Variants in HCRTR2 observed in about 807,000 individuals in gnomAD.
The protein encoded by HCRTR2 is orexin receptor type 2.
Under a neutral mutation model 49.0 loss-of-function variants are expected in HCRTR2, and 22 were observed. The observed-to-expected ratio is 0.45, with a 90% CI of 0.32 to 0.64. The LOEUF is 0.64. Ranked by LOEUF, HCRTR2 falls within the 30% of genes least tolerant of loss-of-function variation. The pLI, the probability that HCRTR2 is intolerant of heterozygous loss-of-function variation, is 0.04. For missense variants in HCRTR2, 491 were observed against 559.4 expected (o/e 0.88, Z 1.23); for synonymous variants, 236 against 205.3 (o/e 1.15, Z -1.28).
chr6:55,205,694 A>G (rs1157337214), intron 1 of HCRTR2, among the ~76,000 whole-genome samples: 1 of 152,110 alleles, frequency 6.6e-6, no homozygotes. Context: ...GCCAATTTAT[A>G]CTCAAGAATA....
rs372879747 is a variant in HCRTR2 at position 55,193,584 on chromosome 6, T to C, written c.223+18774T>C. Among the ~76,000 whole-genome samples, 3 of 151,802 alleles carry C rather than the reference T, an allele frequency of 2.0e-5. No homozygotes were observed. In the East Asian group the frequency reaches 5.8e-4, roughly 29 times the overall value. ...TCCAAGCATCAAACCTTGGGATTTA[T>C]TTACCTTCTAGCAAACCAAAATTTA... On this transcript the variant is annotated intron_variant, in intron 1 of 6. Transcript: ENST00000370862.
At chr6:55,168,890 C>A (rs1764912167) in intron 1 of HCRTR2, among the ~76,000 whole-genome samples, 1 of 152,090 alleles carries the variant, frequency 6.6e-6, no homozygotes, top group African/African-American at 2.4e-5. Flanking sequence ...CATGTAATCT[C>A]TCAATGAGTG....
chr6:55,169,532 A>C (rs755988904), upstream of HCRTR2, among the ~76,000 whole-genome samples: 12 of 151,872 alleles, frequency 7.9e-5, no homozygotes, highest in South Asian at 6.2e-4. Flanking sequence ...CCTTTTTATA[A>C]ATGTCTAGAC....
intron 1 of HCRTR2, among the ~76,000 whole-genome samples, chr6:55,182,807 G>T (rs1765155027): frequency 6.6e-6 from 1 of 152,168 alleles, no homozygotes; most frequent in African/African-American, 2.4e-5. Context: ...ACACTTGTCA[G>T]TCATGGTCAT....
chr6:55,142,855 C>T (rs1375209338), intron 1 of HCRTR2, among the ~76,000 whole-genome samples: 1 of 2,412 alleles, frequency 4.1e-4, no homozygotes, highest in Non-Finnish European at 1.0e-3. Context: ...AAGTGGTCAA[C>T]AGAAAAAAAA....
rs1020283800 is a variant in HCRTR2 at position 55,193,090 on chromosome 6, C to T, written c.223+18280C>T. On this transcript the variant is annotated intron_variant, in intron 1 of 6. Transcript: ENST00000370862. Reference sequence around the variant, plus strand: ...TAAATAAAAATAGTGAGAGAACATTCATGTGTTCACTCATTCATTCCTTCA... The same window carrying T: ...TAAATAAAAATAGTGAGAGAACATTTATGTGTTCACTCATTCATTCCTTCA... 2.6e-5 allele frequency among the ~76,000 whole-genome samples: 4 copies of T among 152,272 alleles called. No individual in the cohort carries two copies. The East Asian group carries it at 7.7e-4, about 29-fold the overall frequency.
At chr6:55,109,688 T>C (rs1764023724) in intron 1 of HCRTR2, among the ~76,000 whole-genome samples, 1 of 151,976 alleles carries the variant, frequency 6.6e-6, no homozygotes, top group South Asian at 2.1e-4. Flanking sequence ...AGATTTTTTT[T>C]TTAATGAAAA....
chr6:55,216,636 G>A (rs1427784462), intron 1 of HCRTR2, among the ~76,000 whole-genome samples: 1 of 152,164 alleles, frequency 6.6e-6, no homozygotes, highest in Non-Finnish European at 1.5e-5. Flanking sequence ...AGCATTCTCT[G>A]CACAATGTGG....
rs188023223 is a variant in HCRTR2, at chr6:55,162,166, T to G, written c.-377-12045T>G. Among the ~76,000 whole-genome samples the G allele has an allele frequency of 3.7e-4, 56 of 152,328 alleles. 1 individual carries two copies. The East Asian group carries it at 9.6e-3, about 26-fold the overall frequency. ...GATCAAGTTGGCTTCATACCTGGCA[T>G]GCAAGGCTTGTTCAACATACGAAAA... On this transcript the variant is annotated intron_variant, in intron 1 of 7. Coordinates refer to the HCRTR2 transcript ENST00000615358.
chr6:55,144,888 T>A (rs1764558124), intron 1 of HCRTR2, among the ~76,000 whole-genome samples: 1 of 152,190 alleles, frequency 6.6e-6, no homozygotes, highest in African/African-American at 2.4e-5. Context: ...CTTTAAGAGT[T>A]ATTCTAAGAT....
At chr6:55,204,370 C>A (rs2127286811) in intron 1 of HCRTR2, among the ~76,000 whole-genome samples, 1 of 152,216 alleles carries the variant, frequency 6.6e-6, no homozygotes, top group East Asian at 1.9e-4. Context: ...TAATTTTCTC[C>A]CCATTTGACC....
chr6:55,240,805 G>A (rs1562018848), intron 1 of HCRTR2: 1 of 419,064 alleles, frequency 2.4e-6, no homozygotes, highest in South Asian at 1.7e-5. Flanking sequence ...TTCAAGGTAG[G>A]TTTTTTGAAA....
upstream of HCRTR2, among the ~76,000 whole-genome samples, chr6:55,172,219 C>A (rs1020152719): frequency 3.3e-5 from 5 of 152,272 alleles, no homozygotes; most frequent in African/African-American, 9.6e-5. Context: ...ATGCACATAT[C>A]AATTGGGTCT....
intron 1 of HCRTR2, among the ~76,000 whole-genome samples, chr6:55,204,554 G>C (rs1010301441): frequency 1.3e-5 from 2 of 152,114 alleles, no homozygotes; most frequent in African/African-American, 4.8e-5. Context: ...GAGCCTGATA[G>C]CTTGGATCAA....
At position 55,175,806 on chromosome 6, in the gene HCRTR2, G is replaced by A. The variant is rs1439550908; in HGVS notation, c.223+996G>A. 3.9e-5 allele frequency among the ~76,000 whole-genome samples: 6 copies of A among 152,068 alleles called. No homozygotes were observed. In the East Asian group the frequency reaches 9.7e-4, roughly 25 times the overall value. On this transcript the variant is annotated intron_variant, in intron 1 of 6. Transcript: ENST00000370862. ...TCCAGAAAAGGGGCTTTGGAAGGGA[G>A]GGATAACTTGAAATAAATTGTGAAT...
At chr6:55,198,738 G>A (rs1439994901) in intron 1 of HCRTR2, among the ~76,000 whole-genome samples, 3 of 152,200 alleles carry the variant, frequency 2.0e-5, no homozygotes, top group Non-Finnish European at 4.4e-5. Flanking sequence ...AAATAAAAAT[G>A]TGTGTGCAGG....
At chr6:55,132,580 C>T (rs1764372725) in intron 1 of HCRTR2, among the ~76,000 whole-genome samples, 1 of 151,716 alleles carries the variant, frequency 6.6e-6, no homozygotes, top group Non-Finnish European at 1.5e-5. Flanking sequence ...TTTTGGGAGA[C>T]ATAGATTATA....
At chr6:55,180,574 G>T (rs1765114203) in intron 1 of HCRTR2, among the ~76,000 whole-genome samples, 1 of 138,406 alleles carries the variant, frequency 7.2e-6, no homozygotes, top group African/African-American at 2.4e-5. Context: ...CCTGTTCAGG[G>T]GGTTGACTCA....
At chr6:55,247,489 G>A (rs571770958) in intron 1 of HCRTR2, among the ~76,000 whole-genome samples, 2 of 152,100 alleles carry the variant, frequency 1.3e-5, no homozygotes, top group African/African-American at 2.4e-5. Flanking sequence ...TTATTTATTC[G>A]CTATGTAAAG....
Sources: allele counts gnomAD v4.1 joint callset (sites outside exome capture counted in the v4.1 genomes callset), GRCh38; gene constraint gnomAD v4.1.1; transcripts MANE v1.5; gene names NCBI Gene and HGNC (gene_info 2026-07-23, HGNC 2026-07-21).